MAPK9: variants seen among roughly 807,000 people sequenced by gnomAD.
MAPK9 encodes the protein mitogen-activated protein kinase 9.
Under a neutral mutation model 57.1 loss-of-function variants are expected in MAPK9, and 30 were observed. The ratio of observed to expected loss-of-function variants is 0.53; its 90% CI spans 0.39 to 0.71. The LOEUF (loss-of-function observed/expected upper bound fraction) is 0.71. Ranked by LOEUF, MAPK9 falls within the 30% of genes least tolerant of loss-of-function variation. MAPK9 has a pLI of 0.00. For missense variants in MAPK9, 362 were observed against 521.0 expected, an observed-to-expected ratio of 0.69 and a Z score of 2.97; for synonymous variants, 155 against 177.0, an observed-to-expected ratio of 0.88 and a Z score of 0.99.
At position 180,236,252 on chromosome 5, in the gene MAPK9, T is replaced by C. The variant is rs1469139952; in HGVS notation, c.*132A>G. ...AGCAGGCAATCCTATCAGGTCTGAG[T>C]AGGGCAAGGCATTGTGTTTCTTACA... On this transcript the variant is annotated 3_prime_UTR_variant, in exon 12 of 12. Transcript: ENST00000452135. 3.0e-6 allele frequency: 3 copies of C among 1,015,910 alleles called. No individual in the cohort carries two copies. The highest frequency in any genetic ancestry group is 4.8e-5 in the South Asian group (2 of 41,922). The allele number at this position is 1,015,910 out of a possible 1,614,324, so 62.9% of individuals were successfully genotyped here. A position where few individuals can be genotyped will look rare whatever the true frequency, so the allele number is the denominator to read the frequency against.
chr5:180,277,080 T>C (rs933911122), intron 2 of MAPK9, among the ~76,000 whole-genome samples: 5 of 152,192 alleles, frequency 3.3e-5, no homozygotes, highest in Non-Finnish European at 5.9e-5. Flanking sequence ...TTCATAAAGC[T>C]CTAATTTAAA....
In MAPK9 at chr5:180,261,356, TG is replaced by T. The variant is rs372725064; in HGVS notation, c.450+327del. 1.5e-4 allele frequency among the ~76,000 whole-genome samples: 23 copies of T among 152,230 alleles called. 1 individual carries two copies. Among genetic ancestry groups the T allele is most frequent in the African/African-American group, 5.3e-4 (22 of 41,458 alleles). On this transcript the variant is annotated intron_variant, in intron 5 of 11. Coordinates refer to ENST00000452135, the MANE Select transcript of MAPK9 (RefSeq NM_002752.5). The stretch of plus-strand genomic sequence containing the variant: ...TTAAAAACAGGTGAATGTAGATAAA[TG>T]GTAGTTGGAAGTTCTCTGTCCTATT...
intron 5 of MAPK9, among the ~76,000 whole-genome samples, 180 bp from the exon 6 acceptor site, chr5:180,249,318 C>A (rs1758434737): frequency 6.6e-6 from 1 of 152,170 alleles, no homozygotes; most frequent in African/African-American, 2.4e-5. Flanking sequence ...CAGCCTAAAG[C>A]CGTCAGATGG....
At chr5:180,253,275 T>G (rs905429945) in intron 5 of MAPK9, among the ~76,000 whole-genome samples, 4 of 152,182 alleles carry the variant, frequency 2.6e-5, no homozygotes, top group African/African-American at 9.7e-5. Context: ...TGCTCCCCCT[T>G]CCTTCTCGCA....
At chr5:180,251,990 GC>G (rs1758759535) in intron 5 of MAPK9, among the ~76,000 whole-genome samples, 1 of 152,158 alleles carries the variant, frequency 6.6e-6, no homozygotes, top group African/African-American at 2.4e-5. Flanking sequence ...GGTAAGAACA[GC>G]CAGGCACTCT....
chr5:180,282,368 C>T (rs1355968899), intron 1 of MAPK9, among the ~76,000 whole-genome samples: 1 of 152,186 alleles, frequency 6.6e-6, no homozygotes, highest in Admixed American at 6.5e-5. Flanking sequence ...AGTCTTGAAA[C>T]AACATGTACT....
At position 180,234,672 on chromosome 5, in the gene MAPK9, A is replaced by G. The variant is rs1261023841; in HGVS notation, c.*1712T>C. On this transcript the variant is annotated 3_prime_UTR_variant, in exon 12 of 12. Coordinates refer to ENST00000452135, the MANE Select transcript of MAPK9 (RefSeq NM_002752.5). ...GCCATTTTAAGATGTTTAGATAGATAGCCATAAAATAGGTGTTTCCGCCTC... is the reference window on the plus strand; with the variant it reads ...GCCATTTTAAGATGTTTAGATAGATGGCCATAAAATAGGTGTTTCCGCCTC... The G allele has an allele frequency of 6.6e-6, 1 of 152,226 alleles. No homozygotes were observed. The highest frequency in any genetic ancestry group is 1.5e-5 in the Non-Finnish European group (1 of 68,040). 9.4% of individuals were successfully genotyped at this position (152,226 alleles called of 1,614,324 possible).
intron 5 of MAPK9, among the ~76,000 whole-genome samples, chr5:180,257,461 C>T (rs1759408960): frequency 6.6e-6 from 1 of 152,210 alleles, no homozygotes. Context: ...TAATGGCAAT[C>T]TGTTGATAAA....
Position 180,266,015 on chromosome 5 carries a change from G to A in MAPK9, c.253-1176C>T, listed in dbSNP as rs562365102. On this transcript the variant is annotated intron_variant, in intron 3 of 11. Coordinates refer to ENST00000452135, the MANE Select transcript of MAPK9 (RefSeq NM_002752.5). ...ATTACATTAAAATGAAACAAAAAATGGGTGATAAAAAATCAGTATGTCAAC... is the reference window on the plus strand; with the variant it reads ...ATTACATTAAAATGAAACAAAAAATAGGTGATAAAAAATCAGTATGTCAAC... 7.9e-5 allele frequency among the ~76,000 whole-genome samples: 12 copies of A among 151,034 alleles called. No homozygotes were observed. In the South Asian group the frequency reaches 2.3e-3, roughly 29 times the overall value.
chr5:180,241,961 AGCT>A (rs1757706133), intron 8 of MAPK9, among the ~76,000 whole-genome samples: 1 of 152,250 alleles, frequency 6.6e-6, no homozygotes, highest in Admixed American at 6.5e-5. Flanking sequence ...TGGCTGGCCT[AGCT>A]GTATACAGTG....
intron 5 of MAPK9, among the ~76,000 whole-genome samples, chr5:180,261,022 G>C (rs550484311): frequency 3.3e-5 from 5 of 152,146 alleles, no homozygotes; most frequent in African/African-American, 1.2e-4. Flanking sequence ...AATCAGCTTA[G>C]AGAGAATTAT....
intron 5 of MAPK9, chr5:180,258,391 CATGTG>C (rs1427130555): frequency 1.3e-5 from 2 of 152,166 alleles, no homozygotes; most frequent in Non-Finnish European, 2.9e-5. Flanking sequence ...AAAAATCTTC[CATGTG>C]TTTAAGAAAT....
chr5:180,274,589 A>T (rs1761647419), intron 2 of MAPK9, among the ~76,000 whole-genome samples: 2 of 152,048 alleles, frequency 1.3e-5, no homozygotes, highest in South Asian at 4.2e-4. Context: ...AAGGAACTAG[A>T]CTCTGCCAAC....
chr5:180,237,181 T>G (rs1312415054), intron 11 of MAPK9: 1 of 152,252 alleles, frequency 6.6e-6, no homozygotes, highest in Non-Finnish European at 1.5e-5. Context: ...GATCGACGTC[T>G]GCAGTCATAC....
At position 180,280,285 on chromosome 5, in the gene MAPK9, C is replaced by T. The variant is rs1021409390; in HGVS notation, c.122+155G>A. Among the ~76,000 whole-genome samples the T allele has an allele frequency of 3.3e-5, 5 of 152,254 alleles. No homozygotes were observed. In the South Asian group the frequency reaches 1.0e-3, roughly 32 times the overall value. On this transcript the variant is annotated intron_variant, in intron 2 of 11. Coordinates refer to ENST00000452135, the MANE Select transcript of MAPK9 (RefSeq NM_002752.5). ...GGGTTTGTACCCTACAGCCTGACTA[C>T]ACAGAACTAGAGCAAGCAGTTGATT...
intron 5 of MAPK9, among the ~76,000 whole-genome samples, chr5:180,252,080 G>A (rs1281050801): frequency 1.3e-5 from 2 of 152,200 alleles, no homozygotes; most frequent in Non-Finnish European, 2.9e-5. Context: ...TCCACTTGCA[G>A]GGTTCGTGGG....
At chr5:180,254,959 G>A (rs1370029063) in intron 5 of MAPK9, among the ~76,000 whole-genome samples, 11 of 152,132 alleles carry the variant, frequency 7.2e-5, no homozygotes, top group East Asian at 1.9e-4. Context: ...GCGTGAACCC[G>A]AGAGGCAGAG....
intron 7 of MAPK9, among the ~76,000 whole-genome samples, chr5:180,243,306 C>A (rs563789820): frequency 6.6e-6 from 1 of 152,194 alleles, no homozygotes; most frequent in Admixed American, 6.5e-5. Flanking sequence ...ACCATCACTG[C>A]GATCCCTAGG....
At chr5:180,269,056 A>G (rs1760987611) in intron 3 of MAPK9, among the ~76,000 whole-genome samples, 1 of 152,018 alleles carries the variant, frequency 6.6e-6, no homozygotes, top group African/African-American at 2.4e-5. Context: ...AGAGAATGGC[A>G]TGAACCCGGG....
Sources: allele counts gnomAD v4.1 joint callset (sites outside exome capture counted in the v4.1 genomes callset), GRCh38; gene constraint gnomAD v4.1.1; transcripts MANE v1.5; gene names NCBI Gene and HGNC (gene_info 2026-07-23, HGNC 2026-07-21).